Variants in MYO15A observed in about 807,000 individuals in gnomAD.
MYO15A encodes the protein unconventional myosin-XV.
Under a neutral mutation model 394.6 loss-of-function variants are expected in MYO15A, and 308 were observed. The ratio of observed to expected loss-of-function variants is 0.78; its 90% CI spans 0.71 to 0.86. MYO15A has a LOEUF of 0.86. MYO15A is among the 40% of genes least tolerant of loss of function. The pLI is 0.00. For synonymous variants in MYO15A, 1,957 were observed against 2,003.8 expected, an observed-to-expected ratio of 0.98 and a Z score of 0.62; for missense variants, 4,606 against 4,799.1, an observed-to-expected ratio of 0.96 and a Z score of 1.19.
intron 45 of MYO15A, 90 bp downstream of exon 45, chr17:18,154,845 C>T: frequency 7.2e-7 from 1 of 1,382,122 alleles, no homozygotes; most frequent in Admixed American, 1.8e-5. Context: ...GCTGACAAGC[C>T]CAGGCCCACC....
chr17:18,142,663 C>A, intron 24 of MYO15A, 93 bp from the exon 25 acceptor site: 1 of 1,096,092 alleles, frequency 9.1e-7, no homozygotes, highest in Non-Finnish European at 1.4e-6. Flanking sequence ...TGGGCACTGG[C>A]TCCCAGGCCA....
At chr17:18,163,884 G>A (rs760366475) in intron 60 of MYO15A, 46 bp downstream of exon 60, 60 of 1,585,374 alleles carry the variant, frequency 3.8e-5, no homozygotes, top group Non-Finnish European at 4.7e-5. Flanking sequence ...TCCCATCCCC[G>A]GGCCTTGTGC....
chr17:18,173,757 C>G, intron 64 of MYO15A, 24 bp from the exon 65 acceptor site: 1 of 1,613,670 alleles, frequency 6.2e-7, no homozygotes. Context: ...CAGGCCTGTC[C>G]GGCCCCTCTC....
chr17:18,120,978 C>T lies in MYO15A; in HGVS notation c.2178C>T (p.Ala726=). 1 of 1,498,638 alleles carries T rather than the reference C, an allele frequency of 6.7e-7. No individual in the cohort carries two copies. Among genetic ancestry groups the T allele is most frequent in the East Asian group, 2.8e-5 (1 of 36,310 alleles). The allele number at this position is 1,498,638 out of a possible 1,614,324, so 92.8% of individuals were successfully genotyped here. Residue 726 remains alanine, a synonymous_variant, in exon 2 of 66, where the codon GCC becomes GCT. Coordinates refer to ENST00000647165, the MANE Select transcript of MYO15A (RefSeq NM_016239.4). ...ASWWAFVEPP[A]VSPEVPPDLL... is the part of the protein sequence containing the mutation. Reference sequence around the variant, plus strand: ...GGTGGGCCTTCGTGGAGCCCCCTGCCGTGAGCCCGGAGGTGCCCCCCGACC... The same window carrying T: ...GGTGGGCCTTCGTGGAGCCCCCTGCTGTGAGCCCGGAGGTGCCCCCCGACC...
chr17:18,144,705 C>G, intron 29 of MYO15A, 113 bp downstream of exon 29: 1 of 957,710 alleles, frequency 1.0e-6, no homozygotes, highest in Non-Finnish European at 1.6e-6. Flanking sequence ...GAGCCCCACA[C>G]CTCTTCCCCA....
intron 7 of MYO15A, among the ~76,000 whole-genome samples, chr17:18,130,419 G>GT (rs1268474131): frequency 6.6e-6 from 1 of 151,578 alleles, no homozygotes; most frequent in Non-Finnish European, 1.5e-5. Context: ...GGGTTGGGGG[G>GT]TGGGGCATGC....
intron 7 of MYO15A, 103 bp downstream of exon 7, chr17:18,127,268 G>A (rs2046065340): frequency 1.5e-6 from 2 of 1,375,026 alleles, no homozygotes; most frequent in Middle Eastern, 1.8e-4. Flanking sequence ...CCAGGAAGAT[G>A]AGGAGGCTGA....
At chr17:18,141,836 C>A in intron 23 of MYO15A, 66 bp downstream of exon 23, 1 of 1,520,426 alleles carries the variant, frequency 6.6e-7, no homozygotes, top group Non-Finnish European at 9.1e-7. Flanking sequence ...ACTACTGAGT[C>A]AGAAATGTCC....
At position 18,120,444 on chromosome 17, in the gene MYO15A, C is replaced by G. The variant is rs1156283024; in HGVS notation, c.1644C>G (p.Ala548=). The G allele has an allele frequency of 1.9e-6, 3 of 1,583,022 alleles. No homozygotes were observed. The highest frequency in any genetic ancestry group is 2.6e-6 in the Non-Finnish European group (3 of 1,167,418). Reference sequence around the variant, plus strand: ...GCAACCTCCAGCGCGCGCTGTCGGCCTTCGGCGCCCACCGGGGCCTGGGCT... The same window carrying G: ...GCAACCTCCAGCGCGCGCTGTCGGCGTTCGGCGCCCACCGGGGCCTGGGCT... ...RQRNLQRALS[A]FGAHRGLGFG... is the part of the protein sequence containing the mutation. Residue 548 remains alanine (A), a synonymous_variant, in exon 2 of 66, where the codon GCC becomes GCG. Transcript: ENST00000647165.
In MYO15A at chr17:18,146,054, C is replaced by A; in HGVS notation, c.6456C>A (p.Ala2152=). Reference sequence around the variant, plus strand: ...CTGAGCGGGGCTGGCTGCTGCTGGCCGCCTGCCTCAGTGGCTTTGCACCTT... The same window carrying A: ...CTGAGCGGGGCTGGCTGCTGCTGGCAGCCTGCCTCAGTGGCTTTGCACCTT... ...HNAERGWLLL[A]ACLSGFAPSP... The change falls in exon 30 of 66, where the codon GCC becomes GCA. Residue 2152 remains alanine (A), a synonymous_variant. Coordinates refer to ENST00000647165, the MANE Select transcript of MYO15A (RefSeq NM_016239.4). 1 of 1,613,872 alleles carries A rather than the reference C, an allele frequency of 6.2e-7. No individual in the cohort carries two copies. Among genetic ancestry groups the A allele is most frequent in the Non-Finnish European group, 8.5e-7 (1 of 1,180,038 alleles).
intron 7 of MYO15A, among the ~76,000 whole-genome samples, chr17:18,127,437 G>A (rs1026924950): frequency 2.0e-5 from 3 of 152,148 alleles, no homozygotes; most frequent in African/African-American, 7.2e-5. Flanking sequence ...GGGAAGGGGA[G>A]TCCACATAGG....
At chr17:18,154,516 C>T (rs1274758453) in intron 44 of MYO15A, among the ~76,000 whole-genome samples, 164 bp from the exon 45 acceptor site, 1 of 152,174 alleles carries the variant, frequency 6.6e-6, no homozygotes, top group East Asian at 1.9e-4. Context: ...AAGGAGAGGG[C>T]CCTGTAAGTG....
Position 18,126,775 on chromosome 17 carries a change from T to C in MYO15A, c.3867-16T>C. 6.2e-7 allele frequency: 1 copy of C among 1,613,996 alleles called. No homozygotes were observed. Among genetic ancestry groups the C allele is most frequent in the Non-Finnish European group, 8.5e-7 (1 of 1,179,916 alleles). ...GCTTAGAGGCAGGGGCCAGCTCTAA[T>C]GACCTGTCTCCCCAGGCACCTCTTT... On this transcript the variant is annotated splice_polypyrimidine_tract_variant and intron_variant, in intron 5 of 65. Transcript: ENST00000647165.
At chr17:18,160,907 T>G (rs940054078) in intron 56 of MYO15A, 13 of 364,664 alleles carry the variant, frequency 3.6e-5, no homozygotes, top group Admixed American at 1.1e-4. Flanking sequence ...GCTCTCCATC[T>G]CCTCAGGATT....
At position 18,155,381 on chromosome 17, in the gene MYO15A, T is replaced by C. The variant is rs765986176; in HGVS notation, c.8408T>C (p.Val2803Ala). Residue 2803 changes from valine (V) to alanine (A), a missense_variant, in exon 47 of 66, where the codon GTC becomes GCC. Transcript: ENST00000647165. ...SHVGIKLLRM[V>A]KGGQEAGGQL... ...GTGGGCATCAAACTCCTGAGGATGG[T>C]CAAGGGTGGCCAGGAGGCCGGCGGG... 1.2e-6 allele frequency: 2 copies of C among 1,613,490 alleles called. No individual in the cohort carries two copies. The highest frequency in any genetic ancestry group is 4.5e-5 in the East Asian group (2 of 44,896).
At chr17:18,138,717 G>T (rs2046324233) in intron 17 of MYO15A, 94 bp from the exon 18 acceptor site, 1 of 1,521,480 alleles carries the variant, frequency 6.6e-7, no homozygotes, top group South Asian at 1.2e-5. Context: ...CTGGTGCTCA[G>T]TTGGGAGCAG....
rs765195369 is a variant in MYO15A at position 18,119,661 on chromosome 17, C to T, written c.861C>T (p.Tyr287=). 11 of 1,605,046 alleles carry T rather than the reference C, an allele frequency of 6.9e-6. No individual in the cohort carries two copies. The East Asian group carries it at 2.2e-4, about 33-fold the overall frequency. The change falls in exon 2 of 66, where the codon TAC becomes TAT. Residue 287 remains tyrosine (Y), a synonymous_variant. Transcript: ENST00000647165. ...ACGGGTACCCGCCCGAGGATCCCTACGACTACTACCACCCCGACTATTACG... is the reference window on the plus strand; with the variant it reads ...ACGGGTACCCGCCCGAGGATCCCTATGACTACTACCACCCCGACTATTACG... ...HYYGYPPEDP[Y]DYYHPDYYGG...
At chr17:18,128,699 A>G (rs1406527750) in intron 7 of MYO15A, among the ~76,000 whole-genome samples, 2 of 152,218 alleles carry the variant, frequency 1.3e-5, no homozygotes, top group African/African-American at 4.8e-5. Flanking sequence ...TCCTTCAGTT[A>G]TCGTCACACC....
At chr17:18,165,882 CCCACCTATG>C (rs1487859876) in intron 60 of MYO15A, among the ~76,000 whole-genome samples, 2 of 152,208 alleles carry the variant, frequency 1.3e-5, no homozygotes, top group African/African-American at 4.8e-5. Context: ...CCTCCCCACC[CCCACCTATG>C]CCAGGTACCT....
Sources: allele counts gnomAD v4.1 joint callset (sites outside exome capture counted in the v4.1 genomes callset), GRCh38; gene constraint gnomAD v4.1.1; transcripts MANE v1.5; gene names NCBI Gene and HGNC (gene_info 2026-07-23, HGNC 2026-07-21).